Variants in TSPAN18 observed in about 807,000 individuals in gnomAD.
TSPAN18 encodes the protein tetraspanin 18, also known as tetraspanin-18.
A neutral mutation model predicts 27.3 loss-of-function variants in TSPAN18; 14 were observed. The observed-to-expected ratio is 0.51, with a 90% CI of 0.34 to 0.80. TSPAN18 has a LOEUF of 0.80. Ranked by LOEUF, TSPAN18 falls within the 30% of genes least tolerant of loss-of-function variation. The pLI is 0.01. For missense variants in TSPAN18, 268 were observed against 323.9 expected, an observed-to-expected ratio of 0.83 and a Z score of 1.32; for synonymous variants, 143 against 136.5, an observed-to-expected ratio of 1.05 and a Z score of -0.33.
chr11:44,749,997 G>T (rs1038478057), intron 1 of TSPAN18, among the ~76,000 whole-genome samples: 2 of 152,128 alleles, frequency 1.3e-5, no homozygotes, highest in Non-Finnish European at 2.9e-5. Context: ...AAGCAGGCAT[G>T]GGGGCTGCTC....
chr11:44,914,478 T>G (rs563993582), intron 5 of TSPAN18, among the ~76,000 whole-genome samples: 2 of 152,238 alleles, frequency 1.3e-5, no homozygotes, highest in African/African-American at 2.4e-5. Context: ...CATGTTTTGC[T>G]TGGCTGTGTT....
At chr11:44,732,598 G>A (rs556920515) in intron 1 of TSPAN18, among the ~76,000 whole-genome samples, 3 of 152,206 alleles carry the variant, frequency 2.0e-5, no homozygotes, top group East Asian at 3.9e-4. Flanking sequence ...ATGAGATTCC[G>A]TTTCTGTCCT....
At chr11:44,784,276 C>T (rs985744145) in intron 2 of TSPAN18, among the ~76,000 whole-genome samples, 1 of 152,128 alleles carries the variant, frequency 6.6e-6, no homozygotes, top group South Asian at 2.1e-4. Flanking sequence ...CTGTGGGGCT[C>T]CCAGTGACAT....
intron 6 of TSPAN18, among the ~76,000 whole-genome samples, chr11:44,918,478 G>A (rs960505715): frequency 3.3e-5 from 5 of 151,968 alleles, no homozygotes; most frequent in Admixed American, 2.0e-4. Flanking sequence ...ACAGGCAGCT[G>A]GAGTGCCAGC....
intron 3 of TSPAN18, among the ~76,000 whole-genome samples, chr11:44,860,977 G>T (rs1289997684): frequency 2.0e-5 from 3 of 152,124 alleles, no homozygotes; most frequent in African/African-American, 7.2e-5. Flanking sequence ...CTAATATATT[G>T]GTTTCTAATA....
At chr11:44,788,127 C>T (rs73450657) in intron 2 of TSPAN18, among the ~76,000 whole-genome samples, 1,766 of 152,270 alleles carry the variant, frequency 0.012, 36 homozygotes, top group African/African-American at 0.04. Flanking sequence ...CAGGAACCTT[C>T]GGTACACAGT....
intron 2 of TSPAN18, among the ~76,000 whole-genome samples, chr11:44,858,222 C>G (rs945450488): frequency 6.6e-6 from 1 of 152,200 alleles, no homozygotes; most frequent in African/African-American, 2.4e-5. Context: ...GCCTGCCCCC[C>G]ACTCCCACAT....
At chr11:44,889,862 C>A (rs767614056) in intron 3 of TSPAN18, among the ~76,000 whole-genome samples, 2 of 152,206 alleles carry the variant, frequency 1.3e-5, no homozygotes, top group Non-Finnish European at 2.9e-5. Context: ...ATTGAGCCTG[C>A]AGAATCCAAA....
At chr11:44,830,707 C>T (rs1857135689) in intron 2 of TSPAN18, among the ~76,000 whole-genome samples, 1 of 152,194 alleles carries the variant, frequency 6.6e-6, no homozygotes, top group African/African-American at 2.4e-5. Flanking sequence ...GAAAAACAAA[C>T]AAGCAAATCA....
chr11:44,926,526 AC>A (rs774085910), intron 8 of TSPAN18, 147 bp from the exon 9 acceptor site: 261 of 723,806 alleles, frequency 3.6e-4, no homozygotes, highest in Non-Finnish European at 5.1e-4. Flanking sequence ...CCTGCCCTGC[AC>A]CCCCTCCCCA....
intron 3 of TSPAN18, among the ~76,000 whole-genome samples, chr11:44,880,813 C>T (rs917564450): frequency 3.9e-5 from 6 of 152,262 alleles, no homozygotes; most frequent in Non-Finnish European, 7.3e-5. Flanking sequence ...GGGAAAGTGA[C>T]TGATTCCTCC....
At chr11:44,919,579 A>T in intron 7 of TSPAN18, 2 of 609,116 alleles carry the variant, frequency 3.3e-6, no homozygotes, top group Non-Finnish European at 5.8e-6. Context: ...CTGTTTATGG[A>T]TGGCTAAGCG....
chr11:44,803,333 A>G (rs1415310309), intron 2 of TSPAN18, among the ~76,000 whole-genome samples: 2 of 147,358 alleles, frequency 1.4e-5, no homozygotes, highest in Non-Finnish European at 3.0e-5. Flanking sequence ...GTGGGAAAGC[A>G]TGGGTTGGGG....
chr11:44,816,424 T>C (rs1277291615), intron 2 of TSPAN18, among the ~76,000 whole-genome samples: 1 of 152,236 alleles, frequency 6.6e-6, no homozygotes, highest in Non-Finnish European at 1.5e-5. Flanking sequence ...AATCGAGTGC[T>C]ATGTGTGCTC....
intron 3 of TSPAN18, among the ~76,000 whole-genome samples, chr11:44,893,920 T>A (rs115285433): frequency 1.3e-5 from 2 of 152,194 alleles, no homozygotes; most frequent in African/African-American, 4.8e-5. Flanking sequence ...CGTTTCTGTA[T>A]CTTGCCTGGC....
chr11:44,926,341 T>C lies in TSPAN18; in HGVS notation c.616-333T>C, dbSNP rs1035272530. On this transcript the variant is annotated intron_variant, in intron 8 of 9. Coordinates refer to ENST00000520358, the MANE Select transcript of TSPAN18 (RefSeq NM_130783.5). The stretch of plus-strand genomic sequence containing the variant: ...TAGCTCCCCTTGCTGGTTCTTCTGA[T>C]TTCTCCAGAGCAGCAGGAAGTCCAA... The C allele has an allele frequency of 2.8e-5, 7 of 253,440 alleles. No homozygotes were observed. The South Asian group carries it at 4.8e-4, about 17-fold the overall frequency. 15.7% of individuals were successfully genotyped at this position (253,440 alleles called of 1,614,324 possible). A position where few individuals can be genotyped will look rare whatever the true frequency, so the allele number is the denominator to read the frequency against.
At chr11:44,804,749 CT>C (rs571606205) in intron 2 of TSPAN18, among the ~76,000 whole-genome samples, 3 of 146,448 alleles carry the variant, frequency 2.0e-5, no homozygotes, top group African/African-American at 7.5e-5. Flanking sequence ...AGTCCAAAGG[CT>C]TTTACAAACC....
chr11:44,771,878 T>C (rs1855697420), intron 2 of TSPAN18, among the ~76,000 whole-genome samples: 1 of 152,224 alleles, frequency 6.6e-6, no homozygotes, highest in Non-Finnish European at 1.5e-5. Flanking sequence ...GATGGATACC[T>C]CCGTGGATTC....
At chr11:44,868,223 CTCTG>C (rs1202874090) in intron 3 of TSPAN18, among the ~76,000 whole-genome samples, 2 of 151,130 alleles carry the variant, frequency 1.3e-5, no homozygotes, top group Admixed American at 6.6e-5. Context: ...TGCCGTCACT[CTCTG>C]TCTGAGTGCC....
Sources: allele counts gnomAD v4.1 joint callset (sites outside exome capture counted in the v4.1 genomes callset), GRCh38; gene constraint gnomAD v4.1.1; transcripts MANE v1.5; gene names NCBI Gene and HGNC (gene_info 2026-07-23, HGNC 2026-07-21).